Variants in CNTLN observed in about 807,000 individuals in gnomAD.
The protein encoded by CNTLN is centlein, centrosomal protein.
A neutral mutation model predicts 180.0 loss-of-function variants in CNTLN; 212 were observed. That is an observed-to-expected ratio of 1.18 (90% CI 1.05 to 1.32). The LOEUF is 1.32. Ranked by LOEUF, CNTLN falls within the 40% of genes most tolerant of loss-of-function variation. The pLI, the probability that CNTLN is intolerant of heterozygous loss-of-function variation, is 0.00. For synonymous variants in CNTLN, 722 were observed against 563.1 expected, an observed-to-expected ratio of 1.28 and a Z score of -3.99; for missense variants, 2,095 against 1,610.9, an observed-to-expected ratio of 1.30 and a Z score of -5.14.
In CNTLN at chr9:17,466,133, AG is replaced by A. The variant is rs761954495; in HGVS notation, c.3669+18del. 2 of 1,582,932 alleles carry A rather than the reference AG, an allele frequency of 1.3e-6. No individual in the cohort carries two copies. The highest frequency in any genetic ancestry group is 1.1e-5 in the South Asian group (1 of 88,086). On this transcript the variant is annotated intron_variant, in intron 22 of 25. Coordinates refer to ENST00000380647, the MANE Select transcript of CNTLN (RefSeq NM_017738.4). ...TAGAAAAAAAGGTATGCTTTTAAAA[AG>A]GGCATTTTAGATTACAGATGGAATA...
chr9:17,165,515 G>A (rs1405453287), intron 2 of CNTLN, among the ~76,000 whole-genome samples: 1 of 152,176 alleles, frequency 6.6e-6, no homozygotes, highest in Non-Finnish European at 1.5e-5. Context: ...GGTTACATCA[G>A]TAATCTGTGA....
intron 5 of CNTLN, among the ~76,000 whole-genome samples, chr9:17,240,933 A>G (rs1378014084): frequency 1.3e-5 from 2 of 152,016 alleles, no homozygotes; most frequent in Admixed American, 6.5e-5. Flanking sequence ...ATCTCTGCTC[A>G]CTGCAAGCTC....
chr9:17,409,390 G>A lies in CNTLN; in HGVS notation c.2713G>A (p.Glu905Lys), dbSNP rs1827664784. The A allele has an allele frequency of 8.7e-6, 14 of 1,613,378 alleles. No individual in the cohort carries two copies. In the East Asian group the frequency reaches 3.1e-4, roughly 36 times the overall value. Residue 905 changes from glutamate to lysine, a missense_variant, in exon 16 of 26, where the codon GAA becomes AAA. Glu to Lys is a moderately conservative substitution (Grantham distance 56). Coordinates refer to ENST00000380647, the MANE Select transcript of CNTLN (RefSeq NM_017738.4). ...TACGGAAGATGGAAAAGACCAGAAA[G>A]AAAGTGATCCAACAGAAGACAGCCA... ...SPTEDGKDQKESDPTEDSQTQ... is the reference protein window; with the variant it reads ...SPTEDGKDQKKSDPTEDSQTQ...
chr9:17,302,138 C>T, intron 7 of CNTLN: 1 of 968,414 alleles, frequency 1.0e-6, no homozygotes, highest in Non-Finnish European at 1.2e-6. Context: ...ACACACTGAC[C>T]TATCCACCCA....
intron 10 of CNTLN, among the ~76,000 whole-genome samples, chr9:17,334,447 A>G (rs1396455229): frequency 6.6e-6 from 1 of 151,440 alleles, no homozygotes; most frequent in Non-Finnish European, 1.5e-5. Flanking sequence ...ACACACACAC[A>G]GAACAATTAT....
intron 5 of CNTLN, among the ~76,000 whole-genome samples, chr9:17,243,473 T>G (rs1269499558): frequency 6.6e-6 from 1 of 152,204 alleles, no homozygotes; most frequent in Non-Finnish European, 1.5e-5. Flanking sequence ...CTTTTAGTAC[T>G]ACTTTCACTG....
intron 12 of CNTLN, among the ~76,000 whole-genome samples, chr9:17,342,817 C>T (rs556621286): frequency 2.0e-5 from 3 of 152,286 alleles, no homozygotes; most frequent in South Asian, 2.1e-4. Flanking sequence ...TAGATACATA[C>T]GCAATGCAGA....
chr9:17,393,633 C>T (rs148997122), intron 14 of CNTLN, among the ~76,000 whole-genome samples: 2 of 152,120 alleles, frequency 1.3e-5, no homozygotes, highest in Non-Finnish European at 2.9e-5. Context: ...ACATACCTCA[C>T]GTTTTGAGAT....
chr9:17,308,804 A>T (rs1436537314), intron 7 of CNTLN, among the ~76,000 whole-genome samples: 2 of 151,874 alleles, frequency 1.3e-5, no homozygotes, highest in Admixed American at 6.6e-5. Flanking sequence ...AATAATACAT[A>T]TTGCCTTTTT....
chr9:17,222,327 A>T (rs1239212008), intron 2 of CNTLN, among the ~76,000 whole-genome samples: 1 of 151,972 alleles, frequency 6.6e-6, no homozygotes, highest in Non-Finnish European at 1.5e-5. Context: ...TACTGACCTT[A>T]ATTGATATGG....
At chr9:17,260,738 T>A (rs1424847134) in intron 5 of CNTLN, among the ~76,000 whole-genome samples, 1 of 151,482 alleles carries the variant, frequency 6.6e-6, no homozygotes, top group Non-Finnish European at 1.5e-5. Flanking sequence ...GCTTTTGATG[T>A]CTTCATCATA....
intron 2 of CNTLN, among the ~76,000 whole-genome samples, chr9:17,191,807 T>G (rs1004712240): frequency 1.5e-4 from 23 of 151,968 alleles, no homozygotes; most frequent in African/African-American, 4.6e-4. Context: ...GAAGATGAGG[T>G]GGGATGAATA....
At chr9:17,265,484 A>T (rs1422026243) in intron 5 of CNTLN, among the ~76,000 whole-genome samples, 1 of 147,116 alleles carries the variant, frequency 6.8e-6, no homozygotes. Flanking sequence ...TTCATCAAGG[A>T]TATTGGTCTA....
intron 2 of CNTLN, among the ~76,000 whole-genome samples, chr9:17,154,526 G>A (rs1819122013): frequency 6.6e-6 from 1 of 152,164 alleles, no homozygotes; most frequent in Admixed American, 6.5e-5. Flanking sequence ...CGACCCAGTG[G>A]GGCACCTGCC....
intron 2 of CNTLN, among the ~76,000 whole-genome samples, chr9:17,182,729 C>T (rs1213169052): frequency 2.6e-5 from 4 of 152,120 alleles, no homozygotes; most frequent in Non-Finnish European, 5.9e-5. Flanking sequence ...CCTTATATAC[C>T]ATAGCAGTCT....
At chr9:17,513,411 T>C in the CNTLN span, among the ~76,000 whole-genome samples, 2 of 152,052 alleles carry the variant, frequency 1.3e-5, no homozygotes, top group Admixed American at 6.5e-5. Context: ...ATATAAAATA[T>C]CATGCTGGGT....
intron 25 of CNTLN, among the ~76,000 whole-genome samples, chr9:17,489,383 C>A (rs949860836): frequency 6.6e-6 from 1 of 151,948 alleles, no homozygotes; most frequent in East Asian, 1.9e-4. Context: ...CTAAAAATTA[C>A]TAATTAGTCC....
intron 18 of CNTLN, among the ~76,000 whole-genome samples, chr9:17,419,160 A>T (rs938039294): frequency 6.6e-6 from 1 of 152,098 alleles, no homozygotes; most frequent in South Asian, 2.1e-4. Context: ...CTCTAAAGAT[A>T]TGTGTTACAT....
At chr9:17,322,025 T>C (rs1394185610) in intron 8 of CNTLN, among the ~76,000 whole-genome samples, 1 of 152,196 alleles carries the variant, frequency 6.6e-6, no homozygotes, top group African/African-American at 2.4e-5. Flanking sequence ...GTAAACTTAA[T>C]TTGAAAAGTT....
Sources: allele counts gnomAD v4.1 joint callset (sites outside exome capture counted in the v4.1 genomes callset), GRCh38; gene constraint gnomAD v4.1.1; transcripts MANE v1.5; gene names NCBI Gene and HGNC (gene_info 2026-07-23, HGNC 2026-07-21).